Variants in TERB1 observed in about 807,000 individuals in gnomAD.
The protein encoded by TERB1 is telomere repeats-binding bouquet formation protein 1.
A neutral mutation model predicts 92.3 loss-of-function variants in TERB1; 63 were observed. The observed-to-expected ratio is 0.68, with a 90% CI of 0.56 to 0.84. The LOEUF is 0.84. Ranked by LOEUF, TERB1 falls within the 40% of genes least tolerant of loss-of-function variation. The probability of loss-of-function intolerance (pLI) is 0.00; values close to 1 mark genes in which losing one functional copy is unlikely to be tolerated. For synonymous variants in TERB1, 252 were observed against 283.9 expected (o/e 0.89, Z 1.13); for missense variants, 709 against 843.7 (o/e 0.84, Z 1.98).
rs2018786360 is a variant in TERB1 at position 66,789,409 on chromosome 16, C to T, written c.272-1112G>A. On this transcript the variant is annotated intron_variant, in intron 5 of 18. Coordinates refer to ENST00000433154, the MANE Select transcript of TERB1 (RefSeq NM_001136505.2). Reference sequence around the variant, plus strand: ...ACCATCCTGGCTAACACGGTGAAACCCCGTCTCTACTAAAAATACAAAAAA... The same window carrying T: ...ACCATCCTGGCTAACACGGTGAAACTCCGTCTCTACTAAAAATACAAAAAA... 4.8e-5 allele frequency among the ~76,000 whole-genome samples: 3 copies of T among 62,850 alleles called. 1 individual carries two copies. Among genetic ancestry groups the T allele is most frequent in the Non-Finnish European group, 8.3e-5 (3 of 36,026 alleles). The allele number at this position is 62,850 out of a possible 152,430, so 41.2% of individuals were successfully genotyped here. A position where few individuals can be genotyped will look rare whatever the true frequency, so the allele number is the denominator to read the frequency against.
intron 14 of TERB1, among the ~76,000 whole-genome samples, chr16:66,769,132 A>G: frequency 6.6e-6 from 1 of 151,910 alleles, no homozygotes; most frequent in African/African-American, 2.4e-5. Context: ...AAAAAGAAAA[A>G]AGAAAAAGAA....
chr16:66,793,805 G>A (rs937864789), intron 3 of TERB1, among the ~76,000 whole-genome samples: 11 of 152,090 alleles, frequency 7.2e-5, no homozygotes, highest in Non-Finnish European at 1.0e-4. Flanking sequence ...GAGCCACCAC[G>A]CCCGGCCATA....
At chr16:66,776,081 G>A (rs532770084) in intron 11 of TERB1, among the ~76,000 whole-genome samples, 1 of 152,074 alleles carries the variant, frequency 6.6e-6, no homozygotes, top group Non-Finnish European at 1.5e-5. Flanking sequence ...TGTAGTCCCA[G>A]CACTTTGGGA....
At chr16:66,769,853 G>T in intron 14 of TERB1, 110 bp downstream of exon 14, 1 of 802,634 alleles carries the variant, frequency 1.2e-6, no homozygotes, top group Non-Finnish European at 2.0e-6. Flanking sequence ...CCAAGACCAT[G>T]TTTCATCATG....
At chr16:66,790,803 A>C in intron 4 of TERB1, 80 bp from the exon 5 acceptor site, 2 of 1,470,256 alleles carry the variant, frequency 1.4e-6, no homozygotes, top group Non-Finnish European at 1.9e-6. Context: ...AAGACGTAAC[A>C]TGATATGTAG....
intron 18 of TERB1, 36 bp downstream of exon 18, chr16:66,758,737 T>C (rs943410780): frequency 7.6e-7 from 1 of 1,315,706 alleles, no homozygotes; most frequent in Non-Finnish European, 1.1e-6. Context: ...CCAGACCCTG[T>C]CTCAAGAAAA....
At position 66,772,698 on chromosome 16, in the gene TERB1, G is replaced by A; in HGVS notation, c.1163C>T (p.Thr388Ile). 1.3e-6 allele frequency: 2 copies of A among 1,548,996 alleles called. No individual in the cohort carries two copies. Among genetic ancestry groups the A allele is most frequent in the Non-Finnish European group, 8.7e-7 (1 of 1,145,294 alleles). Reference sequence around the variant, plus strand: ...CACACTTATGTCCTTTAATTGCTGTGTTTCATTTTCATCAAAAGGATATTC... The same window carrying A: ...CACACTTATGTCCTTTAATTGCTGTATTTCATTTTCATCAAAAGGATATTC... ...LGEYPFDENE[T>I]QQLKDISVKE... The change falls in exon 13 of 19, where the codon ACA becomes ATA. Residue 388 changes from threonine (T) to isoleucine (I), a missense_variant. By Grantham distance (89) the Thr-to-Ile change is moderately conservative. Coordinates refer to ENST00000433154, the MANE Select transcript of TERB1 (RefSeq NM_001136505.2).
chr16:66,780,672 A>T (rs2018621242), intron 9 of TERB1, among the ~76,000 whole-genome samples: 1 of 152,190 alleles, frequency 6.6e-6, no homozygotes, highest in African/African-American at 2.4e-5. Flanking sequence ...CAGGCATATA[A>T]GCAGAAGAAC....
At chr16:66,796,933 C>A (rs567631836) in intron 2 of TERB1, 103 bp from the exon 3 acceptor site, 3 of 569,138 alleles carry the variant, frequency 5.3e-6, no homozygotes, top group Non-Finnish European at 6.2e-6. Context: ...GCCAAAAGAC[C>A]GAGGAACTAC....
rs575734355 is a variant in TERB1, at chr16:66,760,089, C to T, written c.1781-799G>A. On this transcript the variant is annotated intron_variant, in intron 16 of 18. Transcript: ENST00000433154. ...CGGAGGTTGCAGTGAGCTGAGATCACGACTGCACTCCAACCTGGGTGACAG... is the reference window on the plus strand; with the variant it reads ...CGGAGGTTGCAGTGAGCTGAGATCATGACTGCACTCCAACCTGGGTGACAG... 5.8e-3 allele frequency among the ~76,000 whole-genome samples: 608 copies of T among 104,210 alleles called. 13 individuals are homozygous for T. Among genetic ancestry groups the T allele is most frequent in the African/African-American group, 0.023 (545 of 24,142 alleles). The allele number at this position is 104,210 out of a possible 152,430, so 68.4% of individuals were successfully genotyped here.
chr16:66,790,974 T>C lies in TERB1; in HGVS notation c.77A>G (p.Gln26Arg). 1 of 1,549,378 alleles carries C rather than the reference T, an allele frequency of 6.5e-7. No homozygotes were observed. The highest frequency in any genetic ancestry group is 1.4e-5 in the African/African-American group (1 of 73,108). The change falls in exon 4 of 19, where the codon CAA (glutamine) becomes CGA (arginine). Residue 26 changes from glutamine (Q) to arginine (R), a missense_variant. By Grantham distance (43) the Gln-to-Arg change is conservative. Coordinates refer to ENST00000433154, the MANE Select transcript of TERB1 (RefSeq NM_001136505.2). ...LNLLLECLKY[Q>R]MDNAFSQKEA... ...CTTTTGTGAAAAAGCATTGTCCATT[T>C]GATACTTTAGACACTCCAATAATAA...
chr16:66,784,181 T>C (rs1056551619), intron 9 of TERB1, among the ~76,000 whole-genome samples: 4 of 152,212 alleles, frequency 2.6e-5, no homozygotes, highest in Non-Finnish European at 5.9e-5. Flanking sequence ...AGGATCACTT[T>C]TATTGATTTT....
intron 14 of TERB1, among the ~76,000 whole-genome samples, chr16:66,768,426 A>G (rs1479989300): frequency 6.6e-6 from 1 of 152,208 alleles, no homozygotes; most frequent in Non-Finnish European, 1.5e-5. Flanking sequence ...AAAAGATTAT[A>G]AAAAGAAGGA....
rs1219694377 is a variant in TERB1 at position 66,777,349 on chromosome 16, T to C, written c.854-15A>G. The C allele has an allele frequency of 2.0e-6, 3 of 1,500,448 alleles. No homozygotes were observed. The highest frequency in any genetic ancestry group is 2.7e-6 in the Non-Finnish European group (3 of 1,110,086). The allele number at this position is 1,500,448 out of a possible 1,614,324, so 92.9% of individuals were successfully genotyped here. A position where few individuals can be genotyped will look rare whatever the true frequency, so the allele number is the denominator to read the frequency against. ...CCCAAAAGTAGCTATTAGTATAAAA[T>C]AGGAAAAAAAGATAGTACAAATTTA... is the stretch of plus-strand genomic sequence containing the variant. On this transcript the variant is annotated splice_polypyrimidine_tract_variant and intron_variant, in intron 10 of 18. Transcript: ENST00000433154.
intron 2 of TERB1, 71 bp from the exon 3 acceptor site, chr16:66,796,901 C>A (rs141124664): frequency 5.4e-6 from 4 of 734,730 alleles, no homozygotes; most frequent in South Asian, 4.5e-5. Context: ...TACAAATGGG[C>A]GGGAAAAATT....
intron 18 of TERB1, among the ~76,000 whole-genome samples, chr16:66,757,200 G>T (rs907463198): frequency 3.9e-5 from 6 of 152,082 alleles, no homozygotes; most frequent in African/African-American, 1.4e-4. Context: ...AAGTAGGCCA[G>T]ATTATTTGGT....
rs2018716741 is a variant in TERB1, at chr16:66,785,698, C to G, written c.700+88G>C. The G allele has an allele frequency of 3.1e-6, 4 of 1,292,282 alleles. No homozygotes were observed. The South Asian group carries it at 7.0e-5, about 23-fold the overall frequency. 80.1% of individuals were successfully genotyped at this position (1,292,282 alleles called of 1,614,324 possible). On this transcript the variant is annotated intron_variant, in intron 9 of 18. Transcript: ENST00000433154. The stretch of plus-strand genomic sequence containing the variant: ...CAAAATAACCCAAATTACAAGAATT[C>G]AATTGATTCAATAATAAATTCAATC...
At chr16:66,798,716 C>T (rs1299869283) in intron 2 of TERB1, among the ~76,000 whole-genome samples, 1 of 152,154 alleles carries the variant, frequency 6.6e-6, no homozygotes, top group African/African-American at 2.4e-5. Context: ...CATATTAACA[C>T]TTGTCTTTAG....
At chr16:66,780,765 C>G (rs1394461138) in intron 9 of TERB1, among the ~76,000 whole-genome samples, 1 of 152,166 alleles carries the variant, frequency 6.6e-6, no homozygotes, top group Non-Finnish European at 1.5e-5. Context: ...CGTCCTATAA[C>G]TATCACTCAT....
Sources: gnomAD v4.1 joint callset for allele counts (sites outside exome capture counted in the v4.1 genomes callset) on GRCh38, gnomAD v4.1.1 for gene constraint, MANE v1.5 for transcripts, NCBI Gene and HGNC (gene_info 2026-07-23, HGNC 2026-07-21) for gene names.